Variants in SIRT5 observed in about 807,000 individuals in gnomAD.
The protein encoded by SIRT5 is NAD-dependent protein deacylase sirtuin-5, mitochondrial.
Under a neutral mutation model 40.0 loss-of-function variants are expected in SIRT5, and 26 were observed. The observed-to-expected ratio is 0.65, with a 90% CI of 0.48 to 0.90. SIRT5 has a LOEUF of 0.90. SIRT5 is among the 40% of genes least tolerant of loss of function. SIRT5 has a pLI of 0.00. For missense variants in SIRT5, 401 were observed against 402.4 expected (o/e 1.00, Z 0.03); for synonymous variants, 146 against 149.1 (o/e 0.98, Z 0.15).
At chr6:13,600,994 A>G (rs1762302843) in intron 9 of SIRT5, 45 bp downstream of exon 9, 1 of 1,438,792 alleles carries the variant, frequency 7.0e-7, no homozygotes, top group Admixed American at 1.7e-5. Flanking sequence ...GGAGGCAGGT[A>G]CAGACATGGT....
At chr6:13,602,592 T>A (rs1762544792) in intron 9 of SIRT5, among the ~76,000 whole-genome samples, 1 of 151,032 alleles carries the variant, frequency 6.6e-6, no homozygotes, top group African/African-American at 2.4e-5. Flanking sequence ...GGAGTAGAAT[T>A]GAGAGTCCAG....
rs113600137 is a variant in SIRT5, at chr6:13,584,172, C to T, written c.62C>T (p.Pro21Leu). 2 of 1,614,192 alleles carry T rather than the reference C, an allele frequency of 1.2e-6. No homozygotes were observed. The highest frequency in any genetic ancestry group is 1.7e-5 in the Admixed American group (1 of 60,028). ...TCCCAGCTATATTGTGGCCTGAAGCCTCCAGCGTCCACACGAAACCAGATT... is the reference window on the plus strand; with the variant it reads ...TCCCAGCTATATTGTGGCCTGAAGCTTCCAGCGTCCACACGAAACCAGATT... ...LISQLYCGLK[P>L]PASTRNQICL... is the part of the protein sequence containing the mutation. The change falls in exon 3 of 10, where the codon CCT becomes CTT. Residue 21 changes from proline (P) to leucine (L), a missense_variant. Physicochemically the swap from Pro to Leu is moderately conservative, Grantham distance 98 (BLOSUM62 -3). Coordinates refer to ENST00000606117, the MANE Select transcript of SIRT5 (RefSeq NM_012241.5).
chr6:13,582,795 A>C lies in SIRT5; in HGVS notation c.-35-1281A>C, dbSNP rs115560417. ...ATTCCTCAGGTATAGACAAAGATTT[A>C]CTGAATGTGCCTTAAGATCCACGAG... is the stretch of plus-strand genomic sequence containing the variant. On this transcript the variant is annotated intron_variant, in intron 2 of 9. Transcript: ENST00000606117. Among the ~76,000 whole-genome samples, 1,061 of 152,318 alleles carry C rather than the reference A, an allele frequency of 7.0e-3. 9 individuals carry two copies. The highest frequency in any genetic ancestry group is 0.011 in the South Asian group (51 of 4,824).
At chr6:13,595,159 A>G (rs1761402635) in intron 5 of SIRT5, among the ~76,000 whole-genome samples, 1 of 152,242 alleles carries the variant, frequency 6.6e-6, no homozygotes, top group African/African-American at 2.4e-5. Context: ...CTGGCTTAAG[A>G]GTACTGCATG....
At chr6:13,611,623 G>C (rs1763944620) in intron 9 of SIRT5, among the ~76,000 whole-genome samples, 167 bp from the exon 10 acceptor site, 1 of 152,138 alleles carries the variant, frequency 6.6e-6, no homozygotes, top group Non-Finnish European at 1.5e-5. Flanking sequence ...AACTAGAGTT[G>C]TTAGAAGCTA....
At chr6:13,609,485 T>C (rs1763558851) in intron 9 of SIRT5, among the ~76,000 whole-genome samples, 1 of 152,156 alleles carries the variant, frequency 6.6e-6, no homozygotes, top group Non-Finnish European at 1.5e-5. Flanking sequence ...GCTGGCAAAG[T>C]AGGCCAGGGT....
intron 7 of SIRT5, 142 bp downstream of exon 7, chr6:13,597,158 G>T (rs1761663500): frequency 1.6e-6 from 1 of 639,182 alleles, no homozygotes; most frequent in South Asian, 2.0e-5. Context: ...TGATCTCTGA[G>T]ACCAAAAGTG....
intron 7 of SIRT5, 58 bp from the exon 8 acceptor site, chr6:13,598,974 C>G: frequency 6.3e-7 from 1 of 1,594,714 alleles, no homozygotes; most frequent in Non-Finnish European, 8.6e-7. Context: ...CCTGGCCTCC[C>G]TCCGATCCAG....
intron 4 of SIRT5, chr6:13,589,029 A>G (rs955856775): frequency 1.3e-5 from 2 of 152,644 alleles, no homozygotes; most frequent in African/African-American, 4.8e-5. Context: ...CAGCACCATA[A>G]TCACAATATG....
intron 3 of SIRT5, among the ~76,000 whole-genome samples, chr6:13,584,561 G>A (rs1759805693): frequency 6.6e-6 from 1 of 152,306 alleles, no homozygotes; most frequent in Admixed American, 6.5e-5. Context: ...ATGTTGGCCA[G>A]GATGGTCTCG....
chr6:13,604,523 A>G, intron 9 of SIRT5: 2 of 1,581,200 alleles, frequency 1.3e-6, no homozygotes, highest in Non-Finnish European at 1.7e-6. Flanking sequence ...AATTAAAACA[A>G]GTCATCATTG....
intron 7 of SIRT5, among the ~76,000 whole-genome samples, chr6:13,598,247 G>A (rs1032102232): frequency 6.6e-6 from 1 of 152,166 alleles, no homozygotes; most frequent in Non-Finnish European, 1.5e-5. Context: ...TTTAGGAGGT[G>A]TATAGAAGGT....
intron 4 of SIRT5, among the ~76,000 whole-genome samples, chr6:13,589,765 T>G (rs1760578982): frequency 6.6e-6 from 1 of 152,274 alleles, no homozygotes; most frequent in East Asian, 1.9e-4. Context: ...CCACTGGGCA[T>G]TCCCTGGATT....
intron 9 of SIRT5, among the ~76,000 whole-genome samples, chr6:13,608,866 A>G (rs190200066): frequency 8.3e-4 from 125 of 150,734 alleles, no homozygotes; most frequent in African/African-American, 3.0e-3. Context: ...CTTGTTGCTC[A>G]GGCTGGAGTG....
chr6:13,595,984 C>T (rs1562273255), intron 6 of SIRT5, among the ~76,000 whole-genome samples: 3 of 151,926 alleles, frequency 2.0e-5, no homozygotes, highest in African/African-American at 7.3e-5. Flanking sequence ...AGAGGGAGAC[C>T]CTGTCTCAAA....
Position 13,611,876 on chromosome 6 carries a change from G to A in SIRT5, c.*11G>A, listed in dbSNP as rs780373599. 2 of 1,613,218 alleles carry A rather than the reference G, an allele frequency of 1.2e-6. No homozygotes were observed. On this transcript the variant is annotated 3_prime_UTR_variant, in exon 10 of 10. Transcript: ENST00000606117. ...GAAACTGTTTCTTAAGTGTCCTGGG[G>A]AAGAAAGAAATTACAGTATATCTAA...
intron 2 of SIRT5, among the ~76,000 whole-genome samples, chr6:13,580,925 T>C (rs1315639068): frequency 6.6e-6 from 1 of 152,232 alleles, no homozygotes; most frequent in African/African-American, 2.4e-5. Context: ...CCTCCCAAAG[T>C]CCTGGGATTA....
Position 13,600,432 on chromosome 6 carries a change from G to A in SIRT5, c.742-402G>A, listed in dbSNP as rs139879566. On this transcript the variant is annotated intron_variant, in intron 8 of 9. Coordinates refer to ENST00000606117, the MANE Select transcript of SIRT5 (RefSeq NM_012241.5). ...AAAATGTTAACAGTGGTTATCTTGC[G>A]GTAAGATTATGGATGATATGTATGT... Among the ~76,000 whole-genome samples the A allele has an allele frequency of 1.2e-3, 176 of 152,184 alleles. 2 individuals are homozygous for A. In the Middle Eastern group the frequency reaches 0.024, roughly 21 times the overall value.
rs148279238 is a variant in SIRT5, at chr6:13,575,331, A to G, written c.-195+587A>G. 3.2e-4 allele frequency among the ~76,000 whole-genome samples: 49 copies of G among 152,214 alleles called. No individual in the cohort carries two copies. The East Asian group carries it at 9.1e-3, about 28-fold the overall frequency. ...TGATGAACTGGGTCAGAGGCCGGGT[A>G]TCAACAAATAGGAGGGTGGAGACGA... On this transcript the variant is annotated intron_variant, in intron 1 of 9. Transcript: ENST00000606117.
Sources: allele counts gnomAD v4.1 joint callset (sites outside exome capture counted in the v4.1 genomes callset), GRCh38; gene constraint gnomAD v4.1.1; transcripts MANE v1.5; gene names NCBI Gene and HGNC (gene_info 2026-07-23, HGNC 2026-07-21).